HSD17B4: variants seen among roughly 807,000 people sequenced by gnomAD.
HSD17B4 encodes hydroxysteroid 17-beta dehydrogenase 4.
A neutral mutation model predicts 101.0 loss-of-function variants in HSD17B4; 70 were observed. The observed-to-expected ratio is 0.69, with a 90% CI of 0.57 to 0.85. HSD17B4 has a LOEUF of 0.85. Ranked by LOEUF, HSD17B4 falls within the 40% of genes least tolerant of loss-of-function variation. The probability of loss-of-function intolerance (pLI) is 0.00; values close to 1 mark genes in which losing one functional copy is unlikely to be tolerated. For missense variants in HSD17B4, 984 were observed against 892.4 expected, an observed-to-expected ratio of 1.10 and a Z score of -1.31; for synonymous variants, 347 against 297.1, an observed-to-expected ratio of 1.17 and a Z score of -1.73.
intron 14 of HSD17B4, among the ~76,000 whole-genome samples, chr5:119,503,846 A>G (rs796940363): frequency 1.3e-5 from 2 of 151,844 alleles, no homozygotes; most frequent in African/African-American, 4.8e-5. Flanking sequence ...ACGTGGGTGT[A>G]TTGTGTGATG....
At chr5:119,497,210 G>GC (rs527318673) in intron 12 of HSD17B4, among the ~76,000 whole-genome samples, 6 of 28,876 alleles carry the variant, frequency 2.1e-4, no homozygotes, top group Admixed American at 1.5e-3. Flanking sequence ...AGGCTCCATT[G>GC]GGGGGTGTGA....
At chr5:119,506,124 G>A (rs553304437) in intron 14 of HSD17B4, among the ~76,000 whole-genome samples, 4 of 152,154 alleles carry the variant, frequency 2.6e-5, no homozygotes, top group East Asian at 1.9e-4. Flanking sequence ...ACATCAACCC[G>A]TCACCTATAT....
chr5:119,541,834 T>TAA (rs377089667), intron 23 of HSD17B4, 71 bp from the exon 24 acceptor site: 284 of 791,840 alleles, frequency 3.6e-4, no homozygotes, highest in Non-Finnish European at 4.3e-4. Flanking sequence ...TGAATAATCT[T>TAA]AAAAAAAAAA....
chr5:119,486,942 T>C (rs900862366), intron 8 of HSD17B4, among the ~76,000 whole-genome samples: 1 of 152,174 alleles, frequency 6.6e-6, no homozygotes, highest in Non-Finnish European at 1.5e-5. Flanking sequence ...TGCTTGGTGA[T>C]TTCTAATTAC....
chr5:119,536,708 A>G (rs1390712003), intron 23 of HSD17B4, among the ~76,000 whole-genome samples, 158 bp downstream of exon 23: 2 of 152,114 alleles, frequency 1.3e-5, no homozygotes. Flanking sequence ...GACAGGTCAT[A>G]TATTTCTTTT....
At chr5:119,538,846 C>G (rs565215578) in intron 23 of HSD17B4, among the ~76,000 whole-genome samples, 1 of 152,236 alleles carries the variant, frequency 6.6e-6, no homozygotes, top group African/African-American at 2.4e-5. Flanking sequence ...ATCCTGTTTT[C>G]TCCTTCATTG....
rs558358065 is a variant in HSD17B4, at chr5:119,518,080, A to G, written c.1503+3034A>G. On this transcript the variant is annotated intron_variant, in intron 17 of 23. Coordinates refer to ENST00000510025, the MANE Select transcript of HSD17B4 (RefSeq NM_000414.4). ...ATAAGAGAATAAAAGCAGGCTGCCC[A>G]AGCCAGCAGTGGCAACCCGCTCCGG... Among the ~76,000 whole-genome samples the G allele has an allele frequency of 4.2e-4, 64 of 152,242 alleles. 1 individual carries two copies. Among genetic ancestry groups the G allele is most frequent in the African/African-American group, 1.5e-3 (62 of 41,564 alleles).
At chr5:119,531,576 T>TGG (rs1427458966) in intron 22 of HSD17B4, among the ~76,000 whole-genome samples, 172 bp downstream of exon 22, 2 of 151,226 alleles carry the variant, frequency 1.3e-5, no homozygotes, top group African/African-American at 4.9e-5. Flanking sequence ...GGGGTGTGTG[T>TGG]GTGTGTGTGT....
chr5:119,526,576 T>A (rs1753620444), intron 19 of HSD17B4, among the ~76,000 whole-genome samples: 3 of 151,978 alleles, frequency 2.0e-5, no homozygotes, highest in Non-Finnish European at 4.4e-5. Flanking sequence ...GTCAAATAGC[T>A]CCAAAAGCTT....
At chr5:119,464,235 C>T (rs1027191487) in intron 2 of HSD17B4, among the ~76,000 whole-genome samples, 18 of 151,958 alleles carry the variant, frequency 1.2e-4, no homozygotes, top group South Asian at 2.1e-4. Context: ...CCTATGCTTC[C>T]GAGGTCTCAT....
chr5:119,529,662 A>C (rs1005382803), intron 20 of HSD17B4, among the ~76,000 whole-genome samples: 1 of 152,144 alleles, frequency 6.6e-6, no homozygotes, highest in Admixed American at 6.6e-5. Flanking sequence ...TTTGTTTTAA[A>C]GGGCTCCAGC....
At position 119,506,863 on chromosome 5, in the gene HSD17B4, G is replaced by T; in HGVS notation, c.1307G>T (p.Gly436Val). 6.3e-7 allele frequency: 1 copy of T among 1,578,280 alleles called. No individual in the cohort carries two copies. Among genetic ancestry groups the T allele is most frequent in the Non-Finnish European group, 8.7e-7 (1 of 1,148,416 alleles). Residue 436 changes from glycine to valine, a missense_variant, in exon 15 of 24, where the codon GGA becomes GTA. Coordinates refer to ENST00000510025, the MANE Select transcript of HSD17B4 (RefSeq NM_000414.4). ...GTTGTTGCTGATGTCCTAGATAAAG[G>T]ATCCGGTGTAGTGATTATTATGGAT... is the stretch of plus-strand genomic sequence containing the variant. ...EAVVADVLDK[G>V]SGVVIIMDVY...
intron 11 of HSD17B4, among the ~76,000 whole-genome samples, chr5:119,494,362 T>TTTCC (rs1561458883): frequency 6.6e-6 from 1 of 150,740 alleles, no homozygotes; most frequent in Non-Finnish European, 1.5e-5. Flanking sequence ...TCTTTCTTTC[T>TTTCC]TTCTTTCTTT....
At chr5:119,536,921 T>C (rs1754590452) in intron 23 of HSD17B4, among the ~76,000 whole-genome samples, 1 of 152,102 alleles carries the variant, frequency 6.6e-6, no homozygotes, top group Admixed American at 6.6e-5. Context: ...ATGTCTTACT[T>C]AGGGTGAATC....
intron 23 of HSD17B4, among the ~76,000 whole-genome samples, chr5:119,537,397 A>G (rs985439942): frequency 3.3e-5 from 5 of 152,164 alleles, no homozygotes; most frequent in African/African-American, 1.2e-4. Flanking sequence ...TTTAATGTTT[A>G]CAAGGCTTAT....
intron 16 of HSD17B4, among the ~76,000 whole-genome samples, chr5:119,513,573 G>A (rs761695660): frequency 1.3e-5 from 2 of 152,004 alleles, no homozygotes; most frequent in Non-Finnish European, 2.9e-5. Context: ...CAGTAGAGAC[G>A]GGGTTTCACC....
chr5:119,488,852 G>A (rs1424520235), intron 8 of HSD17B4, among the ~76,000 whole-genome samples: 4 of 152,018 alleles, frequency 2.6e-5, no homozygotes, highest in Admixed American at 6.6e-5. Flanking sequence ...GAATAATTTT[G>A]GGAATGAATG....
At chr5:119,515,125 C>T (rs1752501960) in intron 17 of HSD17B4, 79 bp downstream of exon 17, 1 of 805,152 alleles carries the variant, frequency 1.2e-6, no homozygotes, top group Admixed American at 1.7e-5. Flanking sequence ...TACCTTATAA[C>T]ATTATGCATC....
intron 22 of HSD17B4, among the ~76,000 whole-genome samples, chr5:119,532,268 A>G (rs956256096): frequency 4.6e-5 from 7 of 152,080 alleles, no homozygotes; most frequent in Admixed American, 2.6e-4. Context: ...TGTCACAGTT[A>G]TCTTACTGTA....
Sources: gnomAD v4.1 joint callset for allele counts (sites outside exome capture counted in the v4.1 genomes callset) on GRCh38, gnomAD v4.1.1 for gene constraint, MANE v1.5 for transcripts, NCBI Gene and HGNC (gene_info 2026-07-23, HGNC 2026-07-21) for gene names.